MCC: variants seen among roughly 807,000 people sequenced by gnomAD.
MCC encodes the protein MCC regulator of Wnt signaling pathway.
MCC carries 90 observed loss-of-function variants against 116.2 expected under a neutral mutation model. The observed-to-expected ratio is 0.77, with a 90% CI of 0.65 to 0.92. MCC has a LOEUF of 0.92. Ranked by LOEUF, MCC falls within the 40% of genes least tolerant of loss-of-function variation. The pLI is 0.00. For synonymous variants in MCC, 578 were observed against 510.5 expected (o/e 1.13, Z -1.78); for missense variants, 1,516 against 1,312.2 (o/e 1.16, Z -2.40).
At chr5:113,160,714 A>T in intron 3 of MCC, among the ~76,000 whole-genome samples, 1 of 152,258 alleles carries the variant, frequency 6.6e-6, no homozygotes, top group East Asian at 1.9e-4. Flanking sequence ...AGAAAGCAGA[A>T]TTAGCACAAT....
At chr5:113,051,816 A>G (rs1003691905) in intron 15 of MCC, among the ~76,000 whole-genome samples, 3 of 152,224 alleles carry the variant, frequency 2.0e-5, no homozygotes, top group Admixed American at 6.5e-5. Flanking sequence ...AGGTATTACA[A>G]AAACAGAAAT....
chr5:113,115,066 T>C (rs1757319293), intron 6 of MCC, among the ~76,000 whole-genome samples: 1 of 151,578 alleles, frequency 6.6e-6, no homozygotes, highest in Non-Finnish European at 1.5e-5. Context: ...CTGTAACACA[T>C]GCCCTCTGGG....
intron 3 of MCC, among the ~76,000 whole-genome samples, chr5:113,220,053 A>ATTTTTT (rs1561466024): frequency 1.6e-5 from 1 of 62,860 alleles, no homozygotes; most frequent in Non-Finnish European, 6.9e-5. Flanking sequence ...CTGCATGTCA[A>ATTTTTT]TTTCTTTTTC....
intron 1 of MCC, among the ~76,000 whole-genome samples, chr5:113,414,249 T>C (rs1021729882): frequency 3.9e-5 from 6 of 152,204 alleles, no homozygotes; most frequent in African/African-American, 1.4e-4. Flanking sequence ...ATTCTGTTGA[T>C]TCGGGGTGGA....
chr5:113,064,183 G>A lies in MCC; in HGVS notation c.2030-16C>T. 1 of 1,598,718 alleles carries A rather than the reference G, an allele frequency of 6.3e-7. No homozygotes were observed. Among genetic ancestry groups the A allele is most frequent in the African/African-American group, 1.3e-5 (1 of 74,806 alleles). ...GACTGGTCTCCTATGTGGCAGAGAAGCCAACGGATTAATCAACATAGGCCT... is the reference window on the plus strand; with the variant it reads ...GACTGGTCTCCTATGTGGCAGAGAAACCAACGGATTAATCAACATAGGCCT... On this transcript the variant is annotated splice_polypyrimidine_tract_variant and intron_variant, in intron 13 of 18. Transcript: ENST00000408903.
chr5:113,220,327 G>C (rs1174418963), intron 3 of MCC, among the ~76,000 whole-genome samples: 1 of 151,814 alleles, frequency 6.6e-6, no homozygotes, highest in Non-Finnish European at 1.5e-5. Context: ...CTAAAGTGCT[G>C]GGATTTCAGG....
intron 3 of MCC, among the ~76,000 whole-genome samples, chr5:113,173,391 C>G (rs887646133): frequency 1.3e-5 from 2 of 152,156 alleles, no homozygotes; most frequent in African/African-American, 4.8e-5. Flanking sequence ...ATAGCTACAT[C>G]TTTATGTTAC....
At chr5:113,039,741 A>C (rs926326447) in intron 17 of MCC, among the ~76,000 whole-genome samples, 1 of 128,942 alleles carries the variant, frequency 7.8e-6, no homozygotes, top group African/African-American at 3.0e-5. Flanking sequence ...CCAGGATCAC[A>C]TGGAGAGCAG....
At chr5:113,028,805 C>T (rs945061967) in intron 18 of MCC, 129 bp downstream of exon 18, 1 of 1,127,940 alleles carries the variant, frequency 8.9e-7, no homozygotes, top group South Asian at 1.7e-5. Context: ...TAGGGACTCA[C>T]CCACTTTCTA....
intron 16 of MCC, 85 bp downstream of exon 16, chr5:113,049,008 G>T (rs771997399): frequency 2.4e-6 from 3 of 1,274,326 alleles, no homozygotes; most frequent in African/African-American, 2.9e-5. Context: ...GAGGCAGCAG[G>T]GCGGTGAGGT....
intron 11 of MCC, among the ~76,000 whole-genome samples, 182 bp downstream of exon 11, chr5:113,082,678 G>C (rs1003540241): frequency 6.6e-6 from 1 of 152,224 alleles, no homozygotes. Context: ...CATGATGGCA[G>C]CTCAGACTGC....
intron 2 of MCC, among the ~76,000 whole-genome samples, chr5:113,358,158 T>C (rs956730975): frequency 6.6e-6 from 1 of 152,152 alleles, no homozygotes; most frequent in East Asian, 1.9e-4. Context: ...AAAATGAAAA[T>C]AGCCAATCAT....
At chr5:113,375,584 GA>G (rs1768961295) in intron 2 of MCC, among the ~76,000 whole-genome samples, 2 of 152,298 alleles carry the variant, frequency 1.3e-5, no homozygotes, top group South Asian at 4.1e-4. Context: ...TCACTGATGT[GA>G]CTATAGTCAT....
chr5:113,235,386 A>C (rs1223947645), intron 3 of MCC, among the ~76,000 whole-genome samples: 1 of 152,224 alleles, frequency 6.6e-6, no homozygotes, highest in African/African-American at 2.4e-5. Flanking sequence ...GGAATCTCCA[A>C]ATAATTTTTA....
At chr5:113,226,878 A>C (rs1763761597) in intron 3 of MCC, among the ~76,000 whole-genome samples, 1 of 152,162 alleles carries the variant, frequency 6.6e-6, no homozygotes, top group African/African-American at 2.4e-5. Flanking sequence ...TCTGCTATTA[A>C]CCAGTTGAAT....
chr5:113,344,931 T>C (rs1327238804), intron 2 of MCC, among the ~76,000 whole-genome samples: 1 of 152,064 alleles, frequency 6.6e-6, no homozygotes, highest in Admixed American at 6.6e-5. Flanking sequence ...AAGAGGACTC[T>C]GTCTTGCACC....
rs934142233 is a variant in MCC at position 113,069,977 on chromosome 5, G to C, written c.1925+1117C>G. Among the ~76,000 whole-genome samples the C allele has an allele frequency of 1.5e-4, 23 of 152,206 alleles. 1 individual carries two copies. The highest frequency in any genetic ancestry group is 1.5e-3 in the Admixed American group (23 of 15,282). On this transcript the variant is annotated intron_variant, in intron 12 of 18. Coordinates refer to ENST00000408903, the MANE Select transcript of MCC (RefSeq NM_001085377.2). The stretch of plus-strand genomic sequence containing the variant: ...GGTGATACCAGCTCCTCGTTTCAAA[G>C]GCAGTTCATATTCCAGAGATGTGAG...
chr5:113,069,581 T>C (rs1185772981), intron 12 of MCC, among the ~76,000 whole-genome samples: 1 of 152,252 alleles, frequency 6.6e-6, no homozygotes, highest in Non-Finnish European at 1.5e-5. Context: ...TTTCTTTTTT[T>C]TCTTTGAGAC....
intron 11 of MCC, among the ~76,000 whole-genome samples, chr5:113,080,525 C>A (rs1754777576): frequency 6.6e-6 from 1 of 152,118 alleles, no homozygotes; most frequent in Non-Finnish European, 1.5e-5. Context: ...AAGCTGGAAA[C>A]CATCATTCTC....
Sources: gnomAD v4.1 joint callset for allele counts (sites outside exome capture counted in the v4.1 genomes callset) on GRCh38, gnomAD v4.1.1 for gene constraint, MANE v1.5 for transcripts, NCBI Gene and HGNC (gene_info 2026-07-23, HGNC 2026-07-21) for gene names.